The following BRI3 variants were observed in gnomAD, a reference collection of about 807,000 sequenced individuals.
BRI3 encodes brain protein I3, also known as membrane protein BRI3.
Under a neutral mutation model 12.8 loss-of-function variants are expected in BRI3, and 6 were observed. That is an observed-to-expected ratio of 0.47 (90% CI 0.26 to 0.93). BRI3 has a LOEUF of 0.93. Among genes scored for constraint, BRI3 ranks in the 40% least tolerant of loss-of-function variants. The pLI is 0.15. For synonymous variants in BRI3, 91 were observed against 76.1 expected (o/e 1.20, Z -1.02); for missense variants, 134 against 171.1 (o/e 0.78, Z 1.21).
At chr7:98,304,951 C>T (rs556709786), upstream of BRI3, among the ~76,000 whole-genome samples, 9 of 150,958 alleles carry the variant, frequency 6.0e-5, no homozygotes, top group South Asian at 2.1e-4. Context: ...CTGCAACATC[C>T]GCCTCCCTGG....
At chr7:98,282,605 C>T (rs1799563606) in intron 2 of BRI3, 152 bp downstream of exon 2, 2 of 655,414 alleles carry the variant, frequency 3.1e-6, no homozygotes, top group Non-Finnish European at 5.4e-6. Context: ...ACAGGCTGCC[C>T]GAATGCGGTG....
the BRI3 span, chr7:98,320,194 C>G: frequency 1.3e-6 from 2 of 1,588,962 alleles, no homozygotes; most frequent in Non-Finnish European, 1.7e-6. Context: ...GTTCTAAAAC[C>G]TGAAATGAGT....
intron 1 of BRI3, among the ~76,000 whole-genome samples, chr7:98,300,532 G>A (rs975442113): frequency 1.2e-4 from 19 of 152,236 alleles, no homozygotes; most frequent in African/African-American, 4.3e-4. Flanking sequence ...TGGAGGCCAA[G>A]AAGCTGCTGG....
chr7:98,317,460 G>T, the BRI3 span: 1 of 1,418,392 alleles, frequency 7.1e-7, no homozygotes, highest in Non-Finnish European at 9.7e-7. Context: ...ACGGGGCCCT[G>T]ACACCCTCAC....
chr7:98,317,486 C>A, the BRI3 span: 6 of 1,261,356 alleles, frequency 4.8e-6, no homozygotes, highest in Admixed American at 8.0e-5. Flanking sequence ...ACCATCCTCA[C>A]ACTGGCTGGG....
At chr7:98,296,500 C>T (rs562812490), downstream of BRI3, among the ~76,000 whole-genome samples, 3 of 152,216 alleles carry the variant, frequency 2.0e-5, no homozygotes, top group African/African-American at 4.8e-5. Flanking sequence ...TGGCGCACGC[C>T]GGTAATCCCA....
At chr7:98,296,861 G>C (rs1800213109), downstream of BRI3, among the ~76,000 whole-genome samples, 1 of 152,084 alleles carries the variant, frequency 6.6e-6, no homozygotes, top group Admixed American at 6.5e-5. Context: ...TGGCCCCCAA[G>C]GGTCTCACAG....
upstream of BRI3, among the ~76,000 whole-genome samples, chr7:98,302,152 T>C (rs1324590629): frequency 3.9e-5 from 6 of 152,250 alleles, no homozygotes; most frequent in African/African-American, 1.4e-4. Context: ...CTGTCATTAC[T>C]GAGTACACTG....
At chr7:98,295,956 G>A (rs921505323), downstream of BRI3, among the ~76,000 whole-genome samples, 8 of 152,126 alleles carry the variant, frequency 5.3e-5, no homozygotes, top group African/African-American at 1.9e-4. Context: ...GCATGCCTGG[G>A]GCCCAACAAT....
chr7:98,292,619 A>G, downstream of BRI3: 1 of 1,551,426 alleles, frequency 6.4e-7, no homozygotes, highest in African/African-American at 1.4e-5. Flanking sequence ...TGCTAGGCTG[A>G]AAAACCCGCC....
At position 98,291,404 on chromosome 7, in the gene BRI3, A is replaced by G. The variant is rs376999715; in HGVS notation, c.*161A>G. Reference sequence around the variant, plus strand: ...GCGGTTTCCCGGAGCGTGGAGAGGCAGTGCTGCTGCTCCCGCCCGAGGCTC... The same window carrying G: ...GCGGTTTCCCGGAGCGTGGAGAGGCGGTGCTGCTGCTCCCGCCCGAGGCTC... On this transcript the variant is annotated 3_prime_UTR_variant, in exon 3 of 3. Transcript: ENST00000297290. The G allele has an allele frequency of 1.4e-6, 2 of 1,453,614 alleles. No homozygotes were observed. Among genetic ancestry groups the G allele is most frequent in the East Asian group, 2.5e-5 (1 of 40,110 alleles). 90.0% of individuals were successfully genotyped at this position (1,453,614 alleles called of 1,614,324 possible). A position where few individuals can be genotyped will look rare whatever the true frequency, so the allele number is the denominator to read the frequency against.
At chr7:98,293,629 C>A (rs748601445), downstream of BRI3, 1 of 1,594,546 alleles carries the variant, frequency 6.3e-7, no homozygotes, top group Admixed American at 1.7e-5. Flanking sequence ...TTCAGAACTT[C>A]TGCTCTACGA....
downstream of BRI3, chr7:98,294,112 C>T (rs1325955825): frequency 6.2e-7 from 1 of 1,613,998 alleles, no homozygotes; most frequent in African/African-American, 1.3e-5. Flanking sequence ...TGGCATCGTT[C>T]TGTGAGAAAG....
chr7:98,320,736 C>G, the BRI3 span, among the ~76,000 whole-genome samples: 2 of 152,204 alleles, frequency 1.3e-5, no homozygotes, highest in Non-Finnish European at 2.9e-5. Context: ...TGAGACACAT[C>G]AGGAGCACAA....
the BRI3 span, chr7:98,315,623 A>AC: frequency 8.3e-7 from 1 of 1,207,740 alleles, no homozygotes; most frequent in Non-Finnish European, 1.1e-6. Context: ...CTAAAAAAAA[A>AC]AAAATAATAA....
At chr7:98,316,997 T>C in the BRI3 span, among the ~76,000 whole-genome samples, 3,687 of 151,684 alleles carry the variant, frequency 0.024, 151 homozygotes, top group African/African-American at 0.085. Flanking sequence ...CGAGTAGCTG[T>C]GACTACAGGT....
intron 2 of BRI3, among the ~76,000 whole-genome samples, chr7:98,284,351 C>T (rs1009051990): frequency 3.3e-5 from 5 of 152,216 alleles, no homozygotes; most frequent in African/African-American, 1.2e-4. Flanking sequence ...CTCCCCGAGG[C>T]TTTGCCTCTG....
At chr7:98,321,871 G>A in the BRI3 span, among the ~76,000 whole-genome samples, 1 of 152,184 alleles carries the variant, frequency 6.6e-6, no homozygotes, top group African/African-American at 2.4e-5. Context: ...GCTGAGGTGG[G>A]AGTATCACGA....
At chr7:98,300,832 A>G (rs1411733280) in intron 1 of BRI3, among the ~76,000 whole-genome samples, 1 of 152,024 alleles carries the variant, frequency 6.6e-6, no homozygotes, top group Non-Finnish European at 1.5e-5. Flanking sequence ...GCCCGACCCC[A>G]GCTCTTGAGC....
Sources: gnomAD v4.1 joint callset for allele counts (sites outside exome capture counted in the v4.1 genomes callset) on GRCh38, gnomAD v4.1.1 for gene constraint, MANE v1.5 for transcripts, NCBI Gene and HGNC (gene_info 2026-07-23, HGNC 2026-07-21) for gene names.